CTCF: variants seen among roughly 807,000 people sequenced by gnomAD.
CTCF encodes CCCTC-binding factor.
In CTCF, 7 loss-of-function variants were observed where a neutral mutation model predicts 72.3. The observed-to-expected ratio is 0.10, with a 90% CI of 0.06 to 0.18. CTCF has a LOEUF of 0.18. Among genes scored for constraint, CTCF ranks in the 10% least tolerant of loss-of-function variants. CTCF has a pLI of 1.00. For synonymous variants in CTCF, 374 were observed against 315.8 expected, an observed-to-expected ratio of 1.18 and a Z score of -1.95; for missense variants, 516 against 949.1, an observed-to-expected ratio of 0.54 and a Z score of 6.00.
chr16:67,619,042 T>C (rs1312605911), intron 5 of CTCF, among the ~76,000 whole-genome samples: 4 of 152,196 alleles, frequency 2.6e-5, no homozygotes, highest in Non-Finnish European at 4.4e-5. Context: ...CTGGTACATA[T>C]TGAAATTAAC....
chr16:67,591,553 A>G (rs935161551), intron 2 of CTCF, among the ~76,000 whole-genome samples: 1 of 152,200 alleles, frequency 6.6e-6, no homozygotes, highest in African/African-American at 2.4e-5. Context: ...ATGATGGCGT[A>G]TATGTTTTCA....
At chr16:67,612,933 A>G (rs923513210) in intron 4 of CTCF, among the ~76,000 whole-genome samples, 6 of 152,228 alleles carry the variant, frequency 3.9e-5, no homozygotes, top group African/African-American at 1.2e-4. Flanking sequence ...GTGAGACTCC[A>G]TCTCAAAAAC....
At chr16:67,628,297 A>C in intron 8 of CTCF, 73 bp from the exon 9 acceptor site, 3 of 1,392,184 alleles carry the variant, frequency 2.2e-6, no homozygotes, top group Non-Finnish European at 3.0e-6. Context: ...TGTTGGCCAC[A>C]TGCATGCAGG....
At position 67,585,536 on chromosome 16, in the gene CTCF, A is replaced by G. The variant is rs115796821; in HGVS notation, c.-10+14272A>G. 3.4e-3 allele frequency among the ~76,000 whole-genome samples: 524 copies of G among 152,350 alleles called. 1 individual carries two copies. The highest frequency in any genetic ancestry group is 0.011 in the African/African-American group (463 of 41,594). On this transcript the variant is annotated intron_variant, in intron 2 of 11. Transcript: ENST00000264010. ...ACCCAGGACTTTTCAGAATCCTTCA[A>G]TAATCTTTATGTGATAAGAACAGAA...
chr16:67,581,269 A>G, intron 2 of CTCF, among the ~76,000 whole-genome samples: 1 of 151,134 alleles, frequency 6.6e-6, no homozygotes, highest in African/African-American at 2.4e-5. Context: ...CCTATTCTGC[A>G]TCCTCCTTTG....
At chr16:67,600,571 G>GCC (rs2142788657) in intron 2 of CTCF, among the ~76,000 whole-genome samples, 1 of 152,096 alleles carries the variant, frequency 6.6e-6, no homozygotes, top group South Asian at 2.1e-4. Context: ...TAGAGATGGG[G>GCC]TCTCCCCATG....
intron 2 of CTCF, 176 bp from the exon 3 acceptor site, chr16:67,610,648 C>G (rs1472127484): frequency 2.8e-6 from 1 of 354,792 alleles, no homozygotes; most frequent in Non-Finnish European, 4.9e-6. Flanking sequence ...GCCACTGCAC[C>G]TGGCCAGTAG....
chr16:67,571,817 T>A lies in CTCF; in HGVS notation c.-10+553T>A, dbSNP rs151138448. On this transcript the variant is annotated intron_variant, in intron 2 of 11. Transcript: ENST00000264010. Reference sequence around the variant, plus strand: ...ATTTTGCGTCAGAGTGTGACAGTGATTATCATTTTAATTTAGCCTGTAATT... The same window carrying A: ...ATTTTGCGTCAGAGTGTGACAGTGAATATCATTTTAATTTAGCCTGTAATT... Among the ~76,000 whole-genome samples, 7 of 152,256 alleles carry A rather than the reference T, an allele frequency of 4.6e-5. No individual in the cohort carries two copies. In the East Asian group the frequency reaches 1.3e-3, roughly 29 times the overall value.
chr16:67,614,084 C>G (rs577779785), intron 4 of CTCF, among the ~76,000 whole-genome samples: 1 of 152,102 alleles, frequency 6.6e-6, no homozygotes, highest in East Asian at 1.9e-4. Flanking sequence ...CCGTAGCTCT[C>G]GCCTGTAATC....
intron 2 of CTCF, among the ~76,000 whole-genome samples, chr16:67,579,547 C>T (rs994076657): frequency 1.3e-5 from 2 of 151,796 alleles, no homozygotes; most frequent in Admixed American, 6.6e-5. Flanking sequence ...TTAGTAGATA[C>T]AGGGTTTCGT....
chr16:67,578,420 C>T (rs1422854827), intron 2 of CTCF, among the ~76,000 whole-genome samples: 1 of 148,502 alleles, frequency 6.7e-6, no homozygotes, highest in Non-Finnish European at 1.5e-5. Context: ...GCAACCTCTA[C>T]CTCCTGAGTT....
At chr16:67,634,465 C>T (rs1363708841) in intron 10 of CTCF, among the ~76,000 whole-genome samples, 1 of 151,074 alleles carries the variant, frequency 6.6e-6, no homozygotes, top group Non-Finnish European at 1.5e-5. Flanking sequence ...ACCTCGGCCT[C>T]CTAAAGTGCT....
intron 2 of CTCF, among the ~76,000 whole-genome samples, chr16:67,589,691 G>C (rs2051712955): frequency 6.6e-6 from 1 of 152,148 alleles, no homozygotes; most frequent in Non-Finnish European, 1.5e-5. Context: ...GCACAGTACT[G>C]ATTGAAGACT....
At chr16:67,622,805 G>A (rs73595592) in intron 7 of CTCF, among the ~76,000 whole-genome samples, 6,490 of 149,402 alleles carry the variant, frequency 0.043, 470 homozygotes, top group African/African-American at 0.15. Flanking sequence ...CACCATGCCC[G>A]GCTAAATTTT....
intron 9 of CTCF, 89 bp from the exon 10 acceptor site, chr16:67,629,309 C>A: frequency 7.7e-7 from 1 of 1,302,332 alleles, no homozygotes; most frequent in Non-Finnish European, 1.1e-6. Context: ...AATTTTTAGG[C>A]TTAATATGGA....
chr16:67,621,357 C>T, intron 6 of CTCF, 85 bp from the exon 7 acceptor site: 2 of 963,952 alleles, frequency 2.1e-6, no homozygotes, highest in South Asian at 1.5e-5. Context: ...TGTGGTGTAG[C>T]ATATCTGCCA....
chr16:67,633,487 GA>G (rs1171205180), intron 10 of CTCF, among the ~76,000 whole-genome samples: 1 of 152,164 alleles, frequency 6.6e-6, no homozygotes, highest in Non-Finnish European at 1.5e-5. Flanking sequence ...AAGAGGGTTG[GA>G]AATGACACAT....
intron 2 of CTCF, among the ~76,000 whole-genome samples, chr16:67,601,481 G>A (rs2051891364): frequency 6.6e-6 from 1 of 151,868 alleles, no homozygotes; most frequent in Admixed American, 6.6e-5. Flanking sequence ...TGGGACTACA[G>A]GCGCCTGCCA....
chr16:67,590,538 T>C (rs895249189), intron 2 of CTCF, among the ~76,000 whole-genome samples: 1 of 151,980 alleles, frequency 6.6e-6, no homozygotes, highest in Non-Finnish European at 1.5e-5. Context: ...AGGGTTTCAC[T>C]GTGTTAGCCA....
Sources: allele counts gnomAD v4.1 joint callset (sites outside exome capture counted in the v4.1 genomes callset), GRCh38; gene constraint gnomAD v4.1.1; transcripts MANE v1.5; gene names NCBI Gene and HGNC (gene_info 2026-07-23, HGNC 2026-07-21).